Variants in RPIA observed in about 807,000 individuals in gnomAD.
The protein encoded by RPIA is ribose-5-phosphate isomerase.
A neutral mutation model predicts 37.8 loss-of-function variants in RPIA; 29 were observed. The ratio of observed to expected loss-of-function variants is 0.77; its 90% CI spans 0.57 to 1.05. The LOEUF (loss-of-function observed/expected upper bound fraction) is 1.05, where lower values mean the gene tolerates loss of function less well. Ranked by LOEUF, RPIA falls within the 50% of genes least tolerant of loss-of-function variation. The pLI, the probability that RPIA is intolerant of heterozygous loss-of-function variation, is 0.00. For synonymous variants in RPIA, 167 were observed against 157.0 expected, an observed-to-expected ratio of 1.06 and a Z score of -0.48; for missense variants, 385 against 413.6, an observed-to-expected ratio of 0.93 and a Z score of 0.60.
At chr2:88,717,070 C>G (rs1009289020) in intron 3 of RPIA, among the ~76,000 whole-genome samples, 1 of 152,178 alleles carries the variant, frequency 6.6e-6, no homozygotes, top group African/African-American at 2.4e-5. Flanking sequence ...GCAGCACTCC[C>G]TCCTTGGTAT....
chr2:88,743,497 C>T (rs1015751458), intron 8 of RPIA, among the ~76,000 whole-genome samples: 3 of 151,998 alleles, frequency 2.0e-5, no homozygotes, highest in African/African-American at 7.2e-5. Context: ...CTGTAGTTTT[C>T]TTTTTTTGTT....
chr2:88,696,839 C>T (rs1388508734), intron 1 of RPIA, among the ~76,000 whole-genome samples: 1 of 152,178 alleles, frequency 6.6e-6, no homozygotes, highest in Non-Finnish European at 1.5e-5. Context: ...TATGGGTGGG[C>T]ACCAATCCTA....
intron 8 of RPIA, among the ~76,000 whole-genome samples, chr2:88,743,386 G>A (rs899464692): frequency 4.6e-5 from 7 of 152,022 alleles, no homozygotes; most frequent in Admixed American, 1.3e-4. Context: ...GGTATGAAAC[G>A]CACTCGATCA....
intron 3 of RPIA, among the ~76,000 whole-genome samples, chr2:88,724,560 C>T (rs938171424): frequency 6.6e-5 from 10 of 152,202 alleles, no homozygotes; most frequent in African/African-American, 2.2e-4. Context: ...CTGCCCACCT[C>T]GGCCTTCCAA....
intron 8 of RPIA, among the ~76,000 whole-genome samples, chr2:88,740,340 TTAAAG>T (rs1244231323): frequency 6.6e-6 from 1 of 152,214 alleles, no homozygotes; most frequent in Non-Finnish European, 1.5e-5. Flanking sequence ...TGTTAGGAAC[TTAAAG>T]TGAGGAAAAT....
rs184597281 is a variant in RPIA at position 88,699,828 on chromosome 2, A to G, written c.347-181A>G. On this transcript the variant is annotated intron_variant, in intron 2 of 8. Transcript: ENST00000283646. ...CCTCTCCAGGCTTTCTTGTGTCCCT[A>G]TCTTCTGATGTGTGAGGTACAGTCA... Among the ~76,000 whole-genome samples, 122 of 152,302 alleles carry G rather than the reference A, an allele frequency of 8.0e-4. 1 individual carries two copies. Among genetic ancestry groups the G allele is most frequent in the African/African-American group, 2.5e-3 (105 of 41,574 alleles).
chr2:88,711,454 T>C (rs1475592716), intron 3 of RPIA, among the ~76,000 whole-genome samples: 1 of 152,208 alleles, frequency 6.6e-6, no homozygotes, highest in Non-Finnish European at 1.5e-5. Context: ...ATAATTATTA[T>C]CTACAGACCT....
intron 8 of RPIA, among the ~76,000 whole-genome samples, chr2:88,738,985 A>C (rs1673350993): frequency 6.6e-6 from 1 of 152,192 alleles, no homozygotes; most frequent in Non-Finnish European, 1.5e-5. Flanking sequence ...GGAGCTTCTA[A>C]TGCAGCTGTG....
intron 3 of RPIA, among the ~76,000 whole-genome samples, chr2:88,721,577 C>CG (rs1673131549): frequency 1.5e-5 from 2 of 129,890 alleles, no homozygotes; most frequent in Non-Finnish European, 3.3e-5. Context: ...ACACACCCCC[C>CG]CCCCCACATG....
intron 1 of RPIA, among the ~76,000 whole-genome samples, chr2:88,697,300 C>T (rs752832957): frequency 1.3e-5 from 2 of 152,182 alleles, no homozygotes; most frequent in Non-Finnish European, 2.9e-5. Context: ...AATAGTGGCT[C>T]TGTAGGTCAT....
At chr2:88,716,256 A>C (rs1156364943) in intron 3 of RPIA, among the ~76,000 whole-genome samples, 2 of 152,098 alleles carry the variant, frequency 1.3e-5, no homozygotes, top group African/African-American at 4.8e-5. Context: ...CCCCGCCTCA[A>C]GTTGTCCTGC....
At chr2:88,694,979 CAAA>C (rs61633535) in intron 1 of RPIA, among the ~76,000 whole-genome samples, 3 of 119,126 alleles carry the variant, frequency 2.5e-5, no homozygotes, top group African/African-American at 8.7e-5. Context: ...AATAAAGTCT[CAAA>C]AAAAAAAAAA....
chr2:88,748,169 C>G (rs1673460879), intron 8 of RPIA, among the ~76,000 whole-genome samples: 1 of 152,206 alleles, frequency 6.6e-6, no homozygotes, highest in South Asian at 2.1e-4. Context: ...CATAAACACA[C>G]AAATTGCAAC....
chr2:88,706,787 T>C (rs1672903004), intron 3 of RPIA, among the ~76,000 whole-genome samples: 1 of 152,242 alleles, frequency 6.6e-6, no homozygotes, highest in Non-Finnish European at 1.5e-5. Context: ...TTCCTGAATT[T>C]GTTTACGATG....
At position 88,721,544 on chromosome 2, in the gene RPIA, T is replaced by TACAC. The variant is rs748522109; in HGVS notation, c.403-7709_403-7706dup. Among the ~76,000 whole-genome samples, 326 of 82,874 alleles carry TACAC rather than the reference T, an allele frequency of 3.9e-3. 3 individuals carry two copies. The highest frequency in any genetic ancestry group is 5.7e-3 in the Non-Finnish European group (252 of 43,902). 54.4% of individuals were successfully genotyped at this position (82,874 alleles called of 152,430 possible). On this transcript the variant is annotated intron_variant, in intron 3 of 8. Transcript: ENST00000283646. ...ATAGATATATTTTAGATATATATTA[T>TACAC]ACACACACACACACACACACACACA...
chr2:88,700,452 G>C (rs938586675), intron 3 of RPIA, among the ~76,000 whole-genome samples: 7 of 152,168 alleles, frequency 4.6e-5, no homozygotes, highest in African/African-American at 1.4e-4. Flanking sequence ...AGGAGTTCAA[G>C]ACCAGCCTGG....
intron 1 of RPIA, among the ~76,000 whole-genome samples, chr2:88,697,319 G>A (rs909820901): frequency 2.6e-5 from 4 of 152,232 alleles, no homozygotes; most frequent in African/African-American, 9.6e-5. Context: ...ATAAGTGATT[G>A]TTGTGAGATT....
intron 3 of RPIA, among the ~76,000 whole-genome samples, chr2:88,709,445 A>T (rs1255423238): frequency 6.6e-6 from 1 of 152,214 alleles, no homozygotes; most frequent in Non-Finnish European, 1.5e-5. Flanking sequence ...GCTGTCCTGG[A>T]TTATGTTTAG....
chr2:88,724,501 G>T (rs1227650996), intron 3 of RPIA, among the ~76,000 whole-genome samples: 2 of 152,012 alleles, frequency 1.3e-5, no homozygotes, highest in African/African-American at 4.8e-5. Flanking sequence ...TGGAGATGGG[G>T]TTTCACCATG....
Sources: allele counts gnomAD v4.1 joint callset (sites outside exome capture counted in the v4.1 genomes callset), GRCh38; gene constraint gnomAD v4.1.1; transcripts MANE v1.5; gene names NCBI Gene and HGNC (gene_info 2026-07-23, HGNC 2026-07-21).